The following NCALD variants were observed in gnomAD, a reference collection of about 807,000 sequenced individuals.
The protein encoded by NCALD is neurocalcin-delta.
Under a neutral mutation model 18.6 loss-of-function variants are expected in NCALD, and 10 were observed. The observed-to-expected ratio is 0.54, with a 90% CI of 0.33 to 0.91. The LOEUF is 0.91. Ranked by LOEUF, NCALD falls within the 40% of genes least tolerant of loss-of-function variation. NCALD has a pLI of 0.03. For synonymous variants in NCALD, 88 were observed against 87.4 expected (o/e 1.01, Z -0.04); for missense variants, 184 against 247.6 (o/e 0.74, Z 1.72).
At chr8:102,096,960 C>T (rs755832078) in intron 1 of NCALD, among the ~76,000 whole-genome samples, 4 of 152,212 alleles carry the variant, frequency 2.6e-5, no homozygotes, top group Admixed American at 6.5e-5. Flanking sequence ...TTTAAAGACC[C>T]TATCTTCAAA....
intron 1 of NCALD, among the ~76,000 whole-genome samples, chr8:101,765,910 C>G (rs1039290732): frequency 2.0e-5 from 3 of 152,204 alleles, no homozygotes; most frequent in African/African-American, 4.8e-5. Flanking sequence ...ACCTCATTTA[C>G]TGTTTAGTTC....
intron 1 of NCALD, among the ~76,000 whole-genome samples, chr8:101,755,180 C>CAG (rs1810823976): frequency 6.6e-6 from 1 of 152,198 alleles, no homozygotes; most frequent in African/African-American, 2.4e-5. Context: ...GAATAATGCA[C>CAG]TGTTCACAGT....
chr8:101,835,091 T>G (rs1394407701), intron 4 of NCALD, among the ~76,000 whole-genome samples: 2 of 152,266 alleles, frequency 1.3e-5, no homozygotes, highest in African/African-American at 4.8e-5. Flanking sequence ...TACACTTTCT[T>G]TAAAAGGAAT....
At chr8:101,775,012 C>T (rs550776091) in intron 1 of NCALD, among the ~76,000 whole-genome samples, 72 of 152,258 alleles carry the variant, frequency 4.7e-4, no homozygotes, top group Non-Finnish European at 8.1e-4. Context: ...TTAGTCCCAT[C>T]CTTAGGTTGC....
rs549651820 is a variant in NCALD, at chr8:102,096,913, TG to T, written c.-210+27323del. Among the ~76,000 whole-genome samples the T allele has an allele frequency of 1.2e-4, 19 of 152,358 alleles. 1 individual carries two copies. The South Asian group carries it at 3.5e-3, about 28-fold the overall frequency. On this transcript the variant is annotated intron_variant, in intron 1 of 6. Coordinates refer to the NCALD transcript ENST00000311028. The stretch of plus-strand genomic sequence containing the variant: ...TGCCAAGAACCTGGACACCCTCCAC[TG>T]GTAACAAGATGACCTCATTTTACCG...
chr8:101,690,834 G>A (rs189039433), intron 3 of NCALD: 7 of 985,386 alleles, frequency 7.1e-6, no homozygotes, highest in African/African-American at 5.2e-5. Context: ...ATGAGGGAAG[G>A]GAGACAGGCG....
At chr8:102,099,500 T>C (rs1371279838) in intron 1 of NCALD, among the ~76,000 whole-genome samples, 1 of 152,122 alleles carries the variant, frequency 6.6e-6, no homozygotes, top group East Asian at 1.9e-4. Context: ...CAAGAGACAA[T>C]ATGCCCATAT....
At chr8:101,913,195 T>C (rs1817861682) in intron 3 of NCALD, among the ~76,000 whole-genome samples, 1 of 152,240 alleles carries the variant, frequency 6.6e-6, no homozygotes. Context: ...CAATACTCAT[T>C]GTTTTAAGTC....
At chr8:102,026,745 T>G (rs1051409215) in intron 1 of NCALD, among the ~76,000 whole-genome samples, 1 of 152,188 alleles carries the variant, frequency 6.6e-6, no homozygotes, top group African/African-American at 2.4e-5. Flanking sequence ...GTGGAGGCTC[T>G]GACCCCACAT....
chr8:102,093,927 A>T (rs1825009090), intron 1 of NCALD, among the ~76,000 whole-genome samples: 1 of 152,088 alleles, frequency 6.6e-6, no homozygotes, highest in Non-Finnish European at 1.5e-5. Context: ...ATTCCTGAAG[A>T]TAAGATAGAT....
intron 2 of NCALD, among the ~76,000 whole-genome samples, chr8:102,010,750 A>T (rs540873684): frequency 6.6e-6 from 1 of 152,196 alleles, no homozygotes; most frequent in South Asian, 2.1e-4. Context: ...TAGAGATAAC[A>T]ATTTTCCTTT....
intron 4 of NCALD, among the ~76,000 whole-genome samples, chr8:101,828,398 T>C (rs1459205163): frequency 6.6e-6 from 1 of 152,180 alleles, no homozygotes; most frequent in African/African-American, 2.4e-5. Context: ...ACAATCCCTC[T>C]AGGCTTTTGC....
intron 1 of NCALD, among the ~76,000 whole-genome samples, chr8:101,743,432 A>G (rs1450475824): frequency 2.6e-5 from 4 of 152,226 alleles, no homozygotes; most frequent in Non-Finnish European, 5.9e-5. Flanking sequence ...ATTTAAGTCT[A>G]CAACAAAGGT....
At chr8:102,036,482 A>C (rs932029557) in intron 1 of NCALD, among the ~76,000 whole-genome samples, 3 of 151,890 alleles carry the variant, frequency 2.0e-5, no homozygotes, top group African/African-American at 7.3e-5. Context: ...GCCAATCAAA[A>C]CAACATAAGA....
chr8:102,062,268 G>A (rs148975626), intron 1 of NCALD, among the ~76,000 whole-genome samples: 45 of 152,294 alleles, frequency 3.0e-4, no homozygotes, highest in East Asian at 2.7e-3. Context: ...GCACCACTGC[G>A]CTCCAGCCTG....
intron 2 of NCALD, among the ~76,000 whole-genome samples, chr8:101,961,989 T>C (rs538434): frequency 0.011 from 1,694 of 152,244 alleles, 13 homozygotes; most frequent in Non-Finnish European, 0.018. Flanking sequence ...AAACCCTAGA[T>C]GAAAATCTAC....
chr8:102,068,147 A>G (rs910689701), intron 1 of NCALD, among the ~76,000 whole-genome samples: 9 of 152,216 alleles, frequency 5.9e-5, no homozygotes, highest in African/African-American at 2.2e-4. Flanking sequence ...TACATGCAGG[A>G]GTACACCACA....
chr8:101,971,569 A>G (rs527193), intron 2 of NCALD, among the ~76,000 whole-genome samples: 152,084 of 152,180 alleles, frequency 1, 75,994 homozygotes, highest in Middle Eastern at 1. Context: ...ATCTTCCACC[A>G]TGACTGGAAG....
At chr8:101,833,889 C>T (rs1814296681) in intron 4 of NCALD, among the ~76,000 whole-genome samples, 1 of 152,212 alleles carries the variant, frequency 6.6e-6, no homozygotes, top group Admixed American at 6.5e-5. Flanking sequence ...AAAACAACGG[C>T]TCCAAATACA....
Sources: gnomAD v4.1 joint callset for allele counts (sites outside exome capture counted in the v4.1 genomes callset) on GRCh38, gnomAD v4.1.1 for gene constraint, MANE v1.5 for transcripts, NCBI Gene and HGNC (gene_info 2026-07-23, HGNC 2026-07-21) for gene names.